Variants in NEK10 observed in about 807,000 individuals in gnomAD.
NEK10 encodes serine/threonine-protein kinase Nek10.
In NEK10, 122 loss-of-function variants were observed where a neutral mutation model predicts 159.8. That is an observed-to-expected ratio of 0.76 (90% CI 0.66 to 0.89). The LOEUF is 0.89. Among genes scored for constraint, NEK10 ranks in the 40% least tolerant of loss-of-function variants. The pLI is 0.00. For missense variants in NEK10, 1,342 were observed against 1,323.1 expected (o/e 1.01, Z -0.22); for synonymous variants, 466 against 457.1 (o/e 1.02, Z -0.25).
At chr3:27,343,813 C>T (rs1241281472) in intron 5 of NEK10, among the ~76,000 whole-genome samples, 5 of 152,190 alleles carry the variant, frequency 3.3e-5, no homozygotes, top group Admixed American at 6.5e-5. Context: ...AAGGAATGTT[C>T]GATTTGGTCC....
intron 22 of NEK10, among the ~76,000 whole-genome samples, chr3:27,271,660 A>C (rs2041370297): frequency 6.6e-6 from 1 of 152,152 alleles, no homozygotes. Context: ...AAATGAGCAA[A>C]AACTAATATT....
At chr3:27,271,889 G>A (rs2041391174) in intron 22 of NEK10, among the ~76,000 whole-genome samples, 1 of 151,966 alleles carries the variant, frequency 6.6e-6, no homozygotes, top group Non-Finnish European at 1.5e-5. Context: ...TCTCCCCTTT[G>A]ACAGGACAAA....
chr3:27,147,113 C>T (rs1192112312), intron 30 of NEK10, among the ~76,000 whole-genome samples: 2 of 152,236 alleles, frequency 1.3e-5, no homozygotes, highest in East Asian at 1.9e-4. Flanking sequence ...TTCTTTGGGC[C>T]TTAGTTTCTT....
intron 22 of NEK10, among the ~76,000 whole-genome samples, chr3:27,271,942 G>T (rs921938751): frequency 6.6e-6 from 1 of 152,108 alleles, no homozygotes; most frequent in African/African-American, 2.4e-5. Flanking sequence ...TTACACTATA[G>T]CCCTACAATT....
chr3:27,315,454 A>T (rs2045079683), intron 6 of NEK10, among the ~76,000 whole-genome samples: 3 of 152,374 alleles, frequency 2.0e-5, no homozygotes, highest in Admixed American at 1.3e-4. Context: ...TCAATTAAAA[A>T]TAGTTCTATG....
intron 29 of NEK10, among the ~76,000 whole-genome samples, chr3:27,163,247 C>G (rs758454309): frequency 2.6e-5 from 4 of 152,102 alleles, no homozygotes; most frequent in African/African-American, 4.8e-5. Flanking sequence ...GATCATTTTA[C>G]GAGTTGGTCT....
chr3:27,172,469 A>G (rs947101514), intron 28 of NEK10, among the ~76,000 whole-genome samples: 3 of 152,096 alleles, frequency 2.0e-5, no homozygotes, highest in Admixed American at 6.6e-5. Context: ...GGAAGTTAGT[A>G]TATCAAAAAG....
In NEK10 at chr3:27,331,187, G is replaced by A. The variant is rs562082902; in HGVS notation, c.363-8926C>T. On this transcript the variant is annotated intron_variant, in intron 5 of 35. Transcript: ENST00000691995. ...TGGGAAGTGGAGGTTGCAGTGAGCT[G>A]AGATCAGGCCACTGCACTCCAGCCT... Among the ~76,000 whole-genome samples the A allele has an allele frequency of 2.1e-5, 3 of 140,734 alleles. No individual in the cohort carries two copies. The East Asian group carries it at 6.2e-4, about 29-fold the overall frequency. The allele number at this position is 140,734 out of a possible 152,430, so 92.3% of individuals were successfully genotyped here.
At chr3:27,282,781 C>G (rs1575581698) in intron 22 of NEK10, among the ~76,000 whole-genome samples, 1 of 82,444 alleles carries the variant, frequency 1.2e-5, no homozygotes, top group African/African-American at 4.1e-5. Flanking sequence ...AAAATTAAAA[C>G]ACACAATTTA....
chr3:27,190,142 A>G (rs185699338), intron 26 of NEK10, among the ~76,000 whole-genome samples: 166 of 152,290 alleles, frequency 1.1e-3, no homozygotes, highest in Non-Finnish European at 2.1e-3. Context: ...CATTTATCCT[A>G]GTACTCTCTG....
chr3:27,163,359 CTT>C (rs541857386), intron 29 of NEK10, among the ~76,000 whole-genome samples: 1 of 145,476 alleles, frequency 6.9e-6, no homozygotes. Context: ...ACCAATTTTT[CTT>C]TTTTTTTTTG....
Position 27,110,924 on chromosome 3 carries a change from GT to G in NEK10, c.*347del, listed in dbSNP as rs201878004. 3.8e-5 allele frequency: 7 copies of G among 185,082 alleles called. No homozygotes were observed. In the East Asian group the frequency reaches 4.0e-4, roughly 11 times the overall value. The allele number at this position is 185,082 out of a possible 1,614,324, so 11.5% of individuals were successfully genotyped here. On this transcript the variant is annotated 3_prime_UTR_variant, in exon 36 of 36. Transcript: ENST00000691995. Reference sequence around the variant, plus strand: ...AATGTGCCTTTGAAAAATATGACAAGTTTTTTTTAATGTTAAGGAAAATTCT... The same window carrying G: ...AATGTGCCTTTGAAAAATATGACAAGTTTTTTTAATGTTAAGGAAAATTCT...
intron 28 of NEK10, among the ~76,000 whole-genome samples, chr3:27,172,705 A>C (rs1263715308): frequency 6.6e-6 from 1 of 152,200 alleles, no homozygotes; most frequent in African/African-American, 2.4e-5. Context: ...TACACATTCT[A>C]TGCATATATC....
chr3:27,259,571 G>A (rs150108169), intron 22 of NEK10, among the ~76,000 whole-genome samples: 1 of 152,020 alleles, frequency 6.6e-6, no homozygotes, highest in East Asian at 1.9e-4. Flanking sequence ...CTGTTCCATT[G>A]GTCTGTATCT....
chr3:27,124,906 C>T (rs1281852224), intron 32 of NEK10, among the ~76,000 whole-genome samples: 1 of 152,142 alleles, frequency 6.6e-6, no homozygotes, highest in Admixed American at 6.6e-5. Flanking sequence ...AATGCAAGTG[C>T]TGTGTGAACC....
chr3:27,278,921 G>C (rs776063779), intron 22 of NEK10: 235 of 985,222 alleles, frequency 2.4e-4, no homozygotes, highest in Non-Finnish European at 2.5e-4. Context: ...CACTGAATCG[G>C]GGTCTGTTTC....
At chr3:27,169,092 A>T (rs1946726408) in intron 29 of NEK10, among the ~76,000 whole-genome samples, 1 of 152,250 alleles carries the variant, frequency 6.6e-6, no homozygotes, top group Non-Finnish European at 1.5e-5. Flanking sequence ...CCTTTAAAAA[A>T]ATAGTAGAAT....
chr3:27,235,417 AAAAC>A (rs779906711), intron 23 of NEK10, among the ~76,000 whole-genome samples: 7 of 152,116 alleles, frequency 4.6e-5, no homozygotes, highest in East Asian at 1.9e-4. Flanking sequence ...ACAAATTTAC[AAAAC>A]AAACAAACAA....
intron 31 of NEK10, among the ~76,000 whole-genome samples, chr3:27,141,044 T>G (rs944876609): frequency 6.6e-6 from 1 of 152,182 alleles, no homozygotes; most frequent in Non-Finnish European, 1.5e-5. Context: ...AAGTAGAAAA[T>G]TTTAACAATT....
Sources: allele counts gnomAD v4.1 joint callset (sites outside exome capture counted in the v4.1 genomes callset), GRCh38; gene constraint gnomAD v4.1.1; transcripts MANE v1.5; gene names NCBI Gene and HGNC (gene_info 2026-07-23, HGNC 2026-07-21).